Variants in CFAP54 observed in about 807,000 individuals in gnomAD.
CFAP54 encodes cilia- and flagella-associated protein 54.
A neutral mutation model predicts 370.4 loss-of-function variants in CFAP54; 290 were observed. That is an observed-to-expected ratio of 0.78 (90% CI 0.71 to 0.86). The LOEUF (loss-of-function observed/expected upper bound fraction) is 0.86, where lower values mean the gene tolerates loss of function less well. CFAP54 is among the 40% of genes least tolerant of loss of function. The pLI, the probability that CFAP54 is intolerant of heterozygous loss-of-function variation, is 0.00. For missense variants in CFAP54, 3,399 were observed against 3,528.7 expected (o/e 0.96, Z 0.93); for synonymous variants, 1,206 against 1,236.5 (o/e 0.98, Z 0.52).
At chr12:96,673,405 G>A (rs976228282) in intron 39 of CFAP54, among the ~76,000 whole-genome samples, 1 of 152,312 alleles carries the variant, frequency 6.6e-6, no homozygotes, top group East Asian at 1.9e-4. Flanking sequence ...ACTGAAGACA[G>A]ACACTTTATT....
At chr12:96,498,036 C>G (rs1393809890) in intron 1 of CFAP54, among the ~76,000 whole-genome samples, 4 of 152,198 alleles carry the variant, frequency 2.6e-5, no homozygotes, top group Non-Finnish European at 4.4e-5. Flanking sequence ...ATCAAAACCC[C>G]TTTTCTGGCA....
At chr12:96,562,828 C>G (rs888213673) in intron 17 of CFAP54, among the ~76,000 whole-genome samples, 1 of 152,036 alleles carries the variant, frequency 6.6e-6, no homozygotes, top group Non-Finnish European at 1.5e-5. Context: ...TACATAGTTT[C>G]AAAAACTACT....
intron 26 of CFAP54, among the ~76,000 whole-genome samples, chr12:96,620,959 A>C (rs1038018889): frequency 6.6e-6 from 1 of 152,234 alleles, no homozygotes; most frequent in Admixed American, 6.5e-5. Context: ...GTGGAAGATT[A>C]CTTTAGAAAG....
chr12:96,547,710 A>G (rs923430543), intron 14 of CFAP54, among the ~76,000 whole-genome samples, 192 bp from the exon 15 acceptor site: 1 of 152,158 alleles, frequency 6.6e-6, no homozygotes, highest in African/African-American at 2.4e-5. Flanking sequence ...AAAGTTTTTT[A>G]TGATTATGAT....
chr12:96,502,630 A>G (rs1955043373), intron 2 of CFAP54, among the ~76,000 whole-genome samples: 1 of 152,180 alleles, frequency 6.6e-6, no homozygotes, highest in Admixed American at 6.5e-5. Flanking sequence ...TTGACTGAAG[A>G]TGCCTCCCAA....
At chr12:96,744,784 G>A (rs975667108) in intron 55 of CFAP54, among the ~76,000 whole-genome samples, 2 of 152,110 alleles carry the variant, frequency 1.3e-5, no homozygotes, top group Admixed American at 6.5e-5. Context: ...TGCCATGATG[G>A]TTTCCTGCAC....
At chr12:96,636,437 C>G (rs1956665050) in intron 32 of CFAP54, among the ~76,000 whole-genome samples, 1 of 152,144 alleles carries the variant, frequency 6.6e-6, no homozygotes. Flanking sequence ...CTCACATTAA[C>G]TTTTGACTCT....
chr12:96,592,619 G>A lies in CFAP54; in HGVS notation c.3342G>A (p.Glu1114=). 1 of 1,189,608 alleles carries A rather than the reference G, an allele frequency of 8.4e-7. No individual in the cohort carries two copies. 73.7% of individuals were successfully genotyped at this position (1,189,608 alleles called of 1,614,324 possible). The change falls in exon 24 of 68, where the codon GAG becomes GAA. Residue 1114 remains glutamate (E), a synonymous_variant. Transcript: ENST00000524981. ...NLFCDNIKGN[E]IFPSQQIARL... is the part of the protein sequence containing the mutation. ...TCTGTGATAATATTAAAGGCAATGA[G>A]ATTTTCCCATCTCAACAAGTAAGTG...
chr12:96,817,490 C>T (rs550993206), intron 64 of CFAP54, among the ~76,000 whole-genome samples: 20 of 151,780 alleles, frequency 1.3e-4, no homozygotes, highest in African/African-American at 4.1e-4. Flanking sequence ...GCGCAATCTC[C>T]GCTCACTGCA....
chr12:96,513,724 CAG>C (rs964676862), intron 5 of CFAP54, among the ~76,000 whole-genome samples: 9 of 151,172 alleles, frequency 6.0e-5, no homozygotes, highest in African/African-American at 2.2e-4. Flanking sequence ...GCCTGGGTGA[CAG>C]AGCAAGACTG....
At chr12:96,563,382 C>T (rs896548605) in intron 17 of CFAP54, among the ~76,000 whole-genome samples, 1 of 152,132 alleles carries the variant, frequency 6.6e-6, no homozygotes, top group Non-Finnish European at 1.5e-5. Context: ...ACTGATGTTC[C>T]CTACATTAGC....
chr12:96,704,078 AG>A (rs909571169), intron 46 of CFAP54, among the ~76,000 whole-genome samples: 1 of 152,200 alleles, frequency 6.6e-6, no homozygotes, highest in African/African-American at 2.4e-5. Flanking sequence ...TGATATGGGA[AG>A]AAAATTATGA....
chr12:96,535,550 A>G lies in CFAP54; in HGVS notation c.1741A>G (p.Ile581Val), dbSNP rs1357668265. ...CLKTCGYSEDIFHLAATLYVC... is the reference protein window; with the variant it reads ...CLKTCGYSEDVFHLAATLYVC... Reference sequence around the variant, plus strand: ...GAAGACTTGTGGATATTCAGAGGATATTTTCCATTTGGCAGCAACCTTGTA... The same window carrying G: ...GAAGACTTGTGGATATTCAGAGGATGTTTTCCATTTGGCAGCAACCTTGTA... The change falls in exon 12 of 68, where the codon ATT becomes GTT. Residue 581 changes from isoleucine to valine, a missense_variant. Coordinates refer to ENST00000524981, the MANE Select transcript of CFAP54 (RefSeq NM_001306084.2). The G allele has an allele frequency of 6.5e-7, 1 of 1,536,062 alleles. No individual in the cohort carries two copies. The highest frequency in any genetic ancestry group is 8.7e-7 in the Non-Finnish European group (1 of 1,146,636).
intron 32 of CFAP54, among the ~76,000 whole-genome samples, chr12:96,635,163 A>C (rs936051925): frequency 6.6e-6 from 1 of 152,202 alleles, no homozygotes; most frequent in Non-Finnish European, 1.5e-5. Flanking sequence ...TTTTAGAATA[A>C]ACTTGTCTAT....
intron 26 of CFAP54, among the ~76,000 whole-genome samples, chr12:96,607,336 T>TA (rs753783181): frequency 0.011 from 1,616 of 144,154 alleles, 12 homozygotes; most frequent in Middle Eastern, 0.039. Flanking sequence ...AAGACTTGGT[T>TA]AAAAAAAAAA....
intron 32 of CFAP54, among the ~76,000 whole-genome samples, chr12:96,633,708 A>G (rs1295901091): frequency 6.6e-6 from 1 of 152,236 alleles, no homozygotes; most frequent in African/African-American, 2.4e-5. Context: ...TTCTAATCCA[A>G]TAGCATTTGA....
chr12:96,634,212 C>T (rs758376808), intron 32 of CFAP54, among the ~76,000 whole-genome samples: 3 of 151,626 alleles, frequency 2.0e-5, no homozygotes, highest in East Asian at 1.9e-4. Flanking sequence ...TGCACCACCA[C>T]GCTTGACTAA....
intron 64 of CFAP54, among the ~76,000 whole-genome samples, chr12:96,817,219 T>G (rs1290257356): frequency 6.6e-6 from 1 of 152,210 alleles, no homozygotes; most frequent in African/African-American, 2.4e-5. Flanking sequence ...TTTTTTATTG[T>G]GCTTTTGCAA....
At chr12:96,629,530 G>T (rs996396854) in intron 30 of CFAP54, among the ~76,000 whole-genome samples, 4 of 150,930 alleles carry the variant, frequency 2.7e-5, no homozygotes, top group African/African-American at 9.8e-5. Flanking sequence ...AGCCAGGATG[G>T]TCTCTATCTC....
Sources: allele counts gnomAD v4.1 joint callset (sites outside exome capture counted in the v4.1 genomes callset), GRCh38; gene constraint gnomAD v4.1.1; transcripts MANE v1.5; gene names NCBI Gene and HGNC (gene_info 2026-07-23, HGNC 2026-07-21).